STAC: variants seen among roughly 807,000 people sequenced by gnomAD.
STAC encodes the protein SH3 and cysteine rich domain.
STAC carries 43 observed loss-of-function variants against 48.8 expected under a neutral mutation model. The ratio of observed to expected loss-of-function variants is 0.88; its 90% CI spans 0.69 to 1.14. STAC has a LOEUF of 1.14. STAC is among the 50% of genes most tolerant of loss of function. The pLI is 0.00. For synonymous variants in STAC, 193 were observed against 179.5 expected (o/e 1.07, Z -0.60); for missense variants, 497 against 504.0 (o/e 0.99, Z 0.13).
At chr3:36,492,574 T>C (rs77810709) in intron 5 of STAC, among the ~76,000 whole-genome samples, 2,672 of 152,314 alleles carry the variant, frequency 0.018, 22 homozygotes, top group Non-Finnish European at 0.021. Context: ...ATTTAGAGTG[T>C]GTTATTGTTA....
chr3:36,533,475 G>GTTTTTT lies in STAC; in HGVS notation c.1110+4512_1110+4517dup, dbSNP rs58981589. 5.5e-4 allele frequency among the ~76,000 whole-genome samples: 34 copies of GTTTTTT among 61,428 alleles called. 2 individuals carry two copies. Among genetic ancestry groups the GTTTTTT allele is most frequent in the African/African-American group, 2.0e-3 (31 of 15,602 alleles). The allele number at this position is 61,428 out of a possible 152,430, so 40.3% of individuals were successfully genotyped here. ...TGTTACTCAATAATCTTGCTAGCATGTTTTTTTTTTTTTTTTTTTTTTTTT... is the reference window on the plus strand; with the variant it reads ...TGTTACTCAATAATCTTGCTAGCATGTTTTTTTTTTTTTTTTTTTTTTTTTTTTTTT... On this transcript the variant is annotated intron_variant, in intron 10 of 10. Coordinates refer to ENST00000273183, the MANE Select transcript of STAC (RefSeq NM_003149.3).
intron 1 of STAC, among the ~76,000 whole-genome samples, chr3:36,411,245 A>G (rs1700188273): frequency 6.6e-6 from 1 of 152,230 alleles, no homozygotes; most frequent in Non-Finnish European, 1.5e-5. Flanking sequence ...TCTTCTGTCT[A>G]TAGAAATGCT....
chr3:36,535,556 G>C (rs886949805), intron 10 of STAC, among the ~76,000 whole-genome samples: 3 of 152,180 alleles, frequency 2.0e-5, no homozygotes, highest in Admixed American at 6.5e-5. Context: ...CAATTTTCAA[G>C]GAGAATGCTT....
intron 1 of STAC, among the ~76,000 whole-genome samples, chr3:36,392,793 C>A (rs573426642): frequency 3.9e-5 from 6 of 152,208 alleles, no homozygotes; most frequent in Non-Finnish European, 7.3e-5. Flanking sequence ...AAAATCCATG[C>A]TCTCAGATTC....
intron 5 of STAC, among the ~76,000 whole-genome samples, chr3:36,489,050 T>C (rs879728689): frequency 1.3e-5 from 2 of 152,178 alleles, no homozygotes; most frequent in Admixed American, 6.5e-5. Context: ...ACTCTATTTT[T>C]ATACAAACAA....
At chr3:36,524,311 G>A (rs563743986) in intron 8 of STAC, among the ~76,000 whole-genome samples, 1 of 152,114 alleles carries the variant, frequency 6.6e-6, no homozygotes, top group African/African-American at 2.4e-5. Context: ...AATAATAAGC[G>A]GGCCAGGCGC....
At chr3:36,525,777 G>A (rs1395190146) in intron 8 of STAC, among the ~76,000 whole-genome samples, 3 of 151,946 alleles carry the variant, frequency 2.0e-5, no homozygotes, top group Admixed American at 6.6e-5. Flanking sequence ...CGCTTTCTGC[G>A]GCATCAGCAT....
chr3:36,400,426 G>T (rs1200326974), intron 1 of STAC, among the ~76,000 whole-genome samples: 1 of 152,140 alleles, frequency 6.6e-6, no homozygotes, highest in Non-Finnish European at 1.5e-5. Context: ...CATGATTTTA[G>T]GGTTGAGGGA....
intron 2 of STAC, among the ~76,000 whole-genome samples, chr3:36,468,533 T>C (rs1351520992): frequency 6.6e-6 from 1 of 151,274 alleles, no homozygotes; most frequent in Non-Finnish European, 1.5e-5. Context: ...GCTGTCTATC[T>C]CATTTATTAG....
chr3:36,398,994 T>A (rs1192044414), intron 1 of STAC, among the ~76,000 whole-genome samples: 3 of 152,222 alleles, frequency 2.0e-5, no homozygotes, highest in Non-Finnish European at 4.4e-5. Context: ...AAGAATGTGG[T>A]CTCACGTGAA....
intron 1 of STAC, among the ~76,000 whole-genome samples, chr3:36,398,394 G>T (rs1233925900): frequency 2.3e-5 from 3 of 133,258 alleles, no homozygotes; most frequent in African/African-American, 8.6e-5. Context: ...GAAAGAAAGA[G>T]AGGTAAAGAG....
At chr3:36,427,623 T>C (rs1700597195) in intron 1 of STAC, among the ~76,000 whole-genome samples, 1 of 152,196 alleles carries the variant, frequency 6.6e-6, no homozygotes, top group Admixed American at 6.5e-5. Flanking sequence ...CCAGATTCAC[T>C]AGATTCTAGA....
chr3:36,462,973 A>G (rs1045119768), intron 2 of STAC, among the ~76,000 whole-genome samples: 1 of 152,076 alleles, frequency 6.6e-6, no homozygotes. Flanking sequence ...GTTGACAGCT[A>G]TTTTTCATAA....
At chr3:36,479,005 A>G (rs73827531) in intron 2 of STAC, among the ~76,000 whole-genome samples, 4,722 of 152,252 alleles carry the variant, frequency 0.031, 222 homozygotes, top group African/African-American at 0.11. Context: ...TACAGGTACT[A>G]CAGAGTTATC....
chr3:36,409,035 T>C (rs1700139782), intron 1 of STAC, among the ~76,000 whole-genome samples: 1 of 152,142 alleles, frequency 6.6e-6, no homozygotes, highest in African/African-American at 2.4e-5. Flanking sequence ...ATGATAATGA[T>C]AACACCAGCA....
rs188888482 is a variant in STAC at position 36,447,608 on chromosome 3, A to C, written c.388+3968A>C. On this transcript the variant is annotated intron_variant, in intron 2 of 10. Transcript: ENST00000273183. ...TTGCTCAACAAAGCCATAAGCCATT[A>C]ATCAAACCTTGAATGGAAAAACTAT... is the stretch of plus-strand genomic sequence containing the variant. Among the ~76,000 whole-genome samples, 87 of 151,958 alleles carry C rather than the reference A, an allele frequency of 5.7e-4. 1 individual carries two copies. In the Middle Eastern group the frequency reaches 0.017, roughly 30 times the overall value.
At chr3:36,441,586 T>A (rs1447568490) in intron 1 of STAC, among the ~76,000 whole-genome samples, 2 of 152,232 alleles carry the variant, frequency 1.3e-5, no homozygotes, top group African/African-American at 2.4e-5. Flanking sequence ...AGTATAATGA[T>A]TCCCTTTCCT....
intron 1 of STAC, among the ~76,000 whole-genome samples, chr3:36,439,116 G>A (rs574924248): frequency 5.3e-5 from 8 of 152,262 alleles, no homozygotes; most frequent in African/African-American, 9.6e-5. Flanking sequence ...GAAAGAGCAT[G>A]GGGACGGGGA....
At position 36,547,196 on chromosome 3, in the gene STAC, A is replaced by T. The variant is rs79867369; in HGVS notation, c.*907A>T. ...ATTTTACATCCTCTCTATTGGAGGC[A>T]GCACTTTTCCCTCATGCTGTCCTAT... On this transcript the variant is annotated 3_prime_UTR_variant, in exon 11 of 11. Coordinates refer to ENST00000273183, the MANE Select transcript of STAC (RefSeq NM_003149.3). 181 of 152,362 alleles carry T rather than the reference A, an allele frequency of 1.2e-3. No individual in the cohort carries two copies. Among genetic ancestry groups the T allele is most frequent in the African/African-American group, 3.8e-3 (157 of 41,568 alleles). 9.4% of individuals were successfully genotyped at this position (152,362 alleles called of 1,614,324 possible).
Sources: allele counts gnomAD v4.1 joint callset (sites outside exome capture counted in the v4.1 genomes callset), GRCh38; gene constraint gnomAD v4.1.1; transcripts MANE v1.5; gene names NCBI Gene and HGNC (gene_info 2026-07-23, HGNC 2026-07-21).